The following CLEC16A variants were observed in gnomAD, a reference collection of about 807,000 sequenced individuals.
The protein encoded by CLEC16A is protein CLEC16A.
In CLEC16A, 51 loss-of-function variants were observed where a neutral mutation model predicts 109.5. The observed-to-expected ratio is 0.47, with a 90% CI of 0.37 to 0.59. The LOEUF (loss-of-function observed/expected upper bound fraction) is 0.59. Among genes scored for constraint, CLEC16A ranks in the 20% least tolerant of loss-of-function variants. The pLI, the probability that CLEC16A is intolerant of heterozygous loss-of-function variation, is 0.00. For missense variants in CLEC16A, 1,339 were observed against 1,394.0 expected (o/e 0.96, Z 0.63); for synonymous variants, 673 against 564.2 (o/e 1.19, Z -2.73).
intron 19 of CLEC16A, among the ~76,000 whole-genome samples, chr16:11,109,401 G>A (rs1374207005): frequency 6.6e-6 from 1 of 152,048 alleles, no homozygotes; most frequent in Non-Finnish European, 1.5e-5. Context: ...TAATCCTCCC[G>A]CCTTGGCCTC....
chr16:11,156,679 G>A (rs1382577130), intron 22 of CLEC16A: 1 of 1,303,810 alleles, frequency 7.7e-7, no homozygotes, highest in Non-Finnish European at 1.0e-6. Flanking sequence ...CTAATTTACA[G>A]ACGGTAATAC....
intron 18 of CLEC16A, among the ~76,000 whole-genome samples, chr16:11,052,799 C>T (rs1461727542): frequency 6.6e-6 from 1 of 152,188 alleles, no homozygotes; most frequent in African/African-American, 2.4e-5. Flanking sequence ...GAAGGCCCCA[C>T]CTGGGAGATC....
chr16:11,100,543 A>T (rs1052969572), intron 19 of CLEC16A, among the ~76,000 whole-genome samples: 4 of 152,186 alleles, frequency 2.6e-5, no homozygotes, highest in African/African-American at 9.7e-5. Flanking sequence ...TTTCAAGCAC[A>T]TGGAGGGACT....
At chr16:11,137,010 C>G (rs2053599292) in intron 22 of CLEC16A, among the ~76,000 whole-genome samples, 2 of 152,170 alleles carry the variant, frequency 1.3e-5, no homozygotes, top group South Asian at 4.1e-4. Flanking sequence ...AGGCAGAACA[C>G]CTGGAAATCA....
At chr16:10,992,869 A>T (rs750164848) in intron 10 of CLEC16A, among the ~76,000 whole-genome samples, 1 of 152,178 alleles carries the variant, frequency 6.6e-6, no homozygotes, top group Non-Finnish European at 1.5e-5. Flanking sequence ...TTTGGGAGGT[A>T]TGATGAGGGA....
chr16:11,150,033 T>C (rs2054233426), intron 22 of CLEC16A: 1 of 152,184 alleles, frequency 6.6e-6, no homozygotes, highest in Non-Finnish European at 1.5e-5. Context: ...AACCAAAACC[T>C]GCCTTCAGGT....
chr16:11,139,404 T>C (rs920051836), intron 22 of CLEC16A, among the ~76,000 whole-genome samples: 8 of 152,260 alleles, frequency 5.3e-5, no homozygotes, highest in African/African-American at 1.9e-4. Flanking sequence ...TGTCCAGCCA[T>C]GGCATTTAGT....
chr16:11,093,204 C>G (rs1294424882), intron 19 of CLEC16A, among the ~76,000 whole-genome samples: 1 of 152,208 alleles, frequency 6.6e-6, no homozygotes, highest in East Asian at 1.9e-4. Context: ...CTCAGCACAG[C>G]AGAGTGAGAG....
Position 11,126,062 on chromosome 16 carries a change from T to C in CLEC16A, c.2557T>C (p.Phe853Leu). Residue 853 changes from phenylalanine (F) to leucine (L), a missense_variant, in exon 22 of 24, where the codon TTC (phenylalanine) becomes CTC (leucine). By Grantham distance (22) the Phe-to-Leu change is conservative (BLOSUM62 0). Transcript: ENST00000409790. ...GSSTSTQHLP[F>L]RFYDQGRRGS... ...CTCCACCTCCACTCAGCACCTGCCTTTCCGCTTCTACGACCAGGGGCGCCG... is the reference window on the plus strand; with the variant it reads ...CTCCACCTCCACTCAGCACCTGCCTCTCCGCTTCTACGACCAGGGGCGCCG... 2 of 1,613,898 alleles carry C rather than the reference T, an allele frequency of 1.2e-6. No homozygotes were observed. Among genetic ancestry groups the C allele is most frequent in the Non-Finnish European group, 1.7e-6 (2 of 1,179,856 alleles).
chr16:11,175,533 T>C (rs919430673), intron 23 of CLEC16A, among the ~76,000 whole-genome samples: 1 of 152,232 alleles, frequency 6.6e-6, no homozygotes, highest in Admixed American at 6.5e-5. Flanking sequence ...AATGAAAACC[T>C]GGCAGAGTTC....
At chr16:11,176,534 C>T (rs1369618592) in intron 23 of CLEC16A, among the ~76,000 whole-genome samples, 1 of 152,274 alleles carries the variant, frequency 6.6e-6, no homozygotes, top group African/African-American at 2.4e-5. Flanking sequence ...CCCAGGAGTT[C>T]CATACCAGCC....
At chr16:10,946,380 G>A (rs2041373318) in intron 1 of CLEC16A, among the ~76,000 whole-genome samples, 1 of 152,146 alleles carries the variant, frequency 6.6e-6, no homozygotes, top group Non-Finnish European at 1.5e-5. Flanking sequence ...TTTAGTAAAC[G>A]TTTGTGAGTC....
rs1450501438 is a variant in CLEC16A, at chr16:11,070,093, C to A, written c.2116+9071C>A. ...GCCACCATTTTTTTTTTTTTTGAGA[C>A]GGAGTCTCACCCTATTGCCCAGGCT... is the stretch of plus-strand genomic sequence containing the variant. On this transcript the variant is annotated intron_variant, in intron 19 of 23. Transcript: ENST00000409790. 2.0e-5 allele frequency among the ~76,000 whole-genome samples: 3 copies of A among 150,174 alleles called. No homozygotes were observed. In the East Asian group the frequency reaches 5.9e-4, roughly 29 times the overall value.
intron 19 of CLEC16A, among the ~76,000 whole-genome samples, chr16:11,119,451 T>C (rs2052241213): frequency 6.6e-6 from 1 of 152,194 alleles, no homozygotes; most frequent in Non-Finnish European, 1.5e-5. Context: ...TGCAGTGGCA[T>C]GATCATGGCT....
At chr16:10,982,122 T>TAAA (rs1363430539) in intron 9 of CLEC16A, among the ~76,000 whole-genome samples, 1 of 152,236 alleles carries the variant, frequency 6.6e-6, no homozygotes, top group Admixed American at 6.5e-5. Context: ...CTCTTGCCTT[T>TAAA]ACATTTTAAA....
intron 11 of CLEC16A, 39 bp from the exon 12 acceptor site, chr16:11,020,154 G>C: frequency 6.4e-7 from 1 of 1,567,432 alleles, no homozygotes; most frequent in Non-Finnish European, 8.7e-7. Context: ...GGGCTGAAAA[G>C]CTGTCTGGAC....
chr16:11,142,606 G>T (rs1035050861), intron 22 of CLEC16A, among the ~76,000 whole-genome samples: 2 of 152,222 alleles, frequency 1.3e-5, no homozygotes, highest in Non-Finnish European at 2.9e-5. Flanking sequence ...AGGCACAGGA[G>T]CCTCTGCAGT....
intron 10 of CLEC16A, among the ~76,000 whole-genome samples, chr16:10,983,685 T>C (rs923679431): frequency 6.6e-5 from 10 of 152,222 alleles, no homozygotes; most frequent in African/African-American, 2.4e-4. Context: ...CCTCTGTATA[T>C]CTCTGCTGTC....
intron 19 of CLEC16A, among the ~76,000 whole-genome samples, chr16:11,086,538 T>G (rs1744174357): frequency 1.3e-5 from 2 of 151,856 alleles, no homozygotes; most frequent in South Asian, 4.2e-4. Flanking sequence ...GACATTATTT[T>G]GTTTGTTTGT....
Sources: allele counts gnomAD v4.1 joint callset (sites outside exome capture counted in the v4.1 genomes callset), GRCh38; gene constraint gnomAD v4.1.1; transcripts MANE v1.5; gene names NCBI Gene and HGNC (gene_info 2026-07-23, HGNC 2026-07-21).